TRPM8: variants seen among roughly 807,000 people sequenced by gnomAD.
The protein encoded by TRPM8 is TRPM8 cationic channel.
Under a neutral mutation model 133.7 loss-of-function variants are expected in TRPM8, and 110 were observed. The observed-to-expected ratio is 0.82, with a 90% CI of 0.70 to 0.96. The LOEUF is 0.96. Among genes scored for constraint, TRPM8 ranks in the 40% least tolerant of loss-of-function variants. TRPM8 has a pLI of 0.00. For missense variants in TRPM8, 1,291 were observed against 1,379.5 expected (o/e 0.94, Z 1.02); for synonymous variants, 535 against 532.3 (o/e 1.01, Z -0.07).
chr2:233,921,362 C>T (rs1462469093), intron 1 of TRPM8, among the ~76,000 whole-genome samples: 1 of 152,138 alleles, frequency 6.6e-6, no homozygotes, highest in Non-Finnish European at 1.5e-5. Context: ...GTTCTTTTCA[C>T]CCTGGCCTCT....
chr2:233,985,958 T>C, intron 21 of TRPM8, 93 bp downstream of exon 21: 2 of 1,193,668 alleles, frequency 1.7e-6, no homozygotes, highest in Non-Finnish European at 2.4e-6. Flanking sequence ...GGTCCCACCC[T>C]TGAGGAACAT....
At chr2:234,009,607 C>T (rs1422896980) in intron 24 of TRPM8, among the ~76,000 whole-genome samples, 2 of 152,144 alleles carry the variant, frequency 1.3e-5, no homozygotes, top group African/African-American at 4.8e-5. Context: ...CGCAGAGCCT[C>T]GGCCATCACT....
At chr2:233,948,390 A>G (rs139008547) in intron 8 of TRPM8, among the ~76,000 whole-genome samples, 11 of 152,372 alleles carry the variant, frequency 7.2e-5, no homozygotes, top group Non-Finnish European at 1.3e-4. Context: ...AACACTAAGC[A>G]TGTGGGAGTT....
intron 6 of TRPM8, among the ~76,000 whole-genome samples, chr2:233,944,111 TATA>T (rs1690984069): frequency 1.3e-5 from 2 of 152,186 alleles, no homozygotes; most frequent in Admixed American, 1.3e-4. Context: ...TTCAAGCTTT[TATA>T]ATAATAACCT....
intron 3 of TRPM8, among the ~76,000 whole-genome samples, chr2:233,933,395 G>A (rs562773116): frequency 6.6e-6 from 1 of 152,202 alleles, no homozygotes; most frequent in Non-Finnish European, 1.5e-5. Context: ...CGTGAGGTCA[G>A]TGGCTACCAT....
chr2:233,998,444 T>C (rs1385924207), intron 22 of TRPM8, among the ~76,000 whole-genome samples: 1 of 152,234 alleles, frequency 6.6e-6, no homozygotes, highest in African/African-American at 2.4e-5. Flanking sequence ...ATCTTAGTAC[T>C]GAGAGTCCTG....
Position 233,981,921 on chromosome 2 carries a change from A to T in TRPM8, c.2589+6A>T, listed in dbSNP as rs756323098. ...TTATAATGCTGCAGAGGATGGTAAG[A>T]GTCAAGAATATTTGTAGTCATCATT... On this transcript the variant is annotated splice_donor_region_variant and intron_variant, in intron 19 of 25. Transcript: ENST00000324695. 2 of 1,601,012 alleles carry T rather than the reference A, an allele frequency of 1.2e-6. No homozygotes were observed. Among genetic ancestry groups the T allele is most frequent in the East Asian group, 4.5e-5 (2 of 44,648 alleles).
chr2:233,985,872 G>A lies in TRPM8; in HGVS notation c.2939+7G>A, dbSNP rs199740604. On this transcript the variant is annotated splice_region_variant and intron_variant, in intron 21 of 25. Transcript: ENST00000324695. ...TGCTGGTCGCCATGTTTGGGTATGT[G>A]TTCAGTCACATGTTCACTGATGTCC... is the stretch of plus-strand genomic sequence containing the variant. 3.1e-6 allele frequency: 5 copies of A among 1,608,122 alleles called. No homozygotes were observed. The highest frequency in any genetic ancestry group is 1.7e-5 in the Admixed American group (1 of 58,952).
chr2:233,930,853 TAATTCTC>T, intron 3 of TRPM8, 112 bp downstream of exon 3: 1 of 690,858 alleles, frequency 1.4e-6, no homozygotes, highest in Non-Finnish European at 2.5e-6. Context: ...CTTCGTCTTA[TAATTCTC>T]AGAAACACTG....
At chr2:233,986,051 C>T (rs186448301) in intron 21 of TRPM8, among the ~76,000 whole-genome samples, 186 bp downstream of exon 21, 6 of 152,242 alleles carry the variant, frequency 3.9e-5, no homozygotes, top group Non-Finnish European at 8.8e-5. Flanking sequence ...ATAAGCTGTG[C>T]CTTGAGTTTA....
intron 17 of TRPM8, among the ~76,000 whole-genome samples, chr2:233,972,166 G>C (rs1248532693): frequency 6.6e-6 from 1 of 151,860 alleles, no homozygotes; most frequent in Non-Finnish European, 1.5e-5. Context: ...ACAGAGTGAC[G>C]ATTGGTGTAT....
At chr2:233,985,421 G>A (rs374752222) in intron 20 of TRPM8, among the ~76,000 whole-genome samples, 5 of 152,210 alleles carry the variant, frequency 3.3e-5, no homozygotes, top group East Asian at 1.9e-4. Context: ...AGGCTGGAAC[G>A]TTCTTGAGGG....
intron 19 of TRPM8, among the ~76,000 whole-genome samples, chr2:233,982,756 T>C (rs1043006040): frequency 2.6e-5 from 4 of 152,172 alleles, no homozygotes; most frequent in Admixed American, 2.6e-4. Flanking sequence ...AAAACTTAGA[T>C]TCCTCCTTTG....
intron 5 of TRPM8, among the ~76,000 whole-genome samples, chr2:233,942,071 C>CTTTTTTTTT (rs796852025): frequency 1.8e-5 from 2 of 111,674 alleles, no homozygotes; most frequent in African/African-American, 3.9e-5. Flanking sequence ...GGTCAAGAAT[C>CTTTTTTTTT]TTTTTTTTTT....
chr2:233,971,305 T>C (rs960777961), intron 17 of TRPM8, among the ~76,000 whole-genome samples: 5 of 152,186 alleles, frequency 3.3e-5, no homozygotes, highest in African/African-American at 1.2e-4. Flanking sequence ...AATCCTAAGT[T>C]GGCTTAAAGT....
rs776604884 is a variant in TRPM8, at chr2:233,942,623, A to C, written c.574A>C (p.Ile192Leu). Residue 192 changes from isoleucine to leucine, a missense_variant, in exon 6 of 26, where the codon ATC becomes CTC. Transcript: ENST00000324695. Reference protein sequence around the residue: ...GGTHYGLMKYIGEVVRDNTIS... With the variant: ...GGTHYGLMKYLGEVVRDNTIS... ...CACCCATTATGGCCTGATGAAGTAC[A>C]TCGGGGAGGTGGTGAGAGATAACAC... The C allele has an allele frequency of 2.5e-6, 4 of 1,614,220 alleles. No homozygotes were observed. The highest frequency in any genetic ancestry group is 1.7e-6 in the Non-Finnish European group (2 of 1,180,042).
chr2:233,985,325 T>G (rs562994407), intron 20 of TRPM8, among the ~76,000 whole-genome samples: 9 of 152,350 alleles, frequency 5.9e-5, no homozygotes, highest in Admixed American at 2.6e-4. Context: ...AGTTTATGCT[T>G]CTCAGAGCAC....
chr2:233,984,278 C>G (rs1692086589), intron 20 of TRPM8, among the ~76,000 whole-genome samples: 1 of 152,174 alleles, frequency 6.6e-6, no homozygotes, highest in Admixed American at 6.5e-5. Context: ...CACACATGCT[C>G]AGATGAGGAT....
chr2:233,973,792 A>C (rs1691795104), intron 17 of TRPM8, among the ~76,000 whole-genome samples: 1 of 152,222 alleles, frequency 6.6e-6, no homozygotes, highest in South Asian at 2.1e-4. Flanking sequence ...TGAGGGAAGC[A>C]GAGAAAGACT....
Sources: allele counts gnomAD v4.1 joint callset (sites outside exome capture counted in the v4.1 genomes callset), GRCh38; gene constraint gnomAD v4.1.1; transcripts MANE v1.5; gene names NCBI Gene and HGNC (gene_info 2026-07-23, HGNC 2026-07-21).